GRAP2: variants seen among roughly 807,000 people sequenced by gnomAD.
GRAP2 encodes GRB2 related adaptor protein 2.
Under a neutral mutation model 43.5 loss-of-function variants are expected in GRAP2, and 31 were observed. The observed-to-expected ratio is 0.71, with a 90% CI of 0.54 to 0.96. GRAP2 has a LOEUF of 0.96. Among genes scored for constraint, GRAP2 ranks in the 40% least tolerant of loss-of-function variants. The pLI, the probability that GRAP2 is intolerant of heterozygous loss-of-function variation, is 0.00. For missense variants in GRAP2, 371 were observed against 424.4 expected, an observed-to-expected ratio of 0.87 and a Z score of 1.11; for synonymous variants, 156 against 164.8, an observed-to-expected ratio of 0.95 and a Z score of 0.41.
intron 1 of GRAP2, among the ~76,000 whole-genome samples, chr22:39,942,932 G>A (rs982924658): frequency 2.0e-5 from 3 of 152,160 alleles, no homozygotes; most frequent in African/African-American, 7.2e-5. Context: ...ATAAACTGGG[G>A]CAAGTATTCA....
upstream of GRAP2, among the ~76,000 whole-genome samples, chr22:39,900,583 AACAGAAATTGAAGTC>A (rs1202310641): frequency 6.6e-6 from 1 of 152,236 alleles, no homozygotes; most frequent in Non-Finnish European, 1.5e-5. Context: ...TCTAAGACTC[AACAGAAATTGAAGTC>A]CCAGAAATTG....
intron 1 of GRAP2, among the ~76,000 whole-genome samples, chr22:39,906,701 C>A (rs1361748854): frequency 2.6e-5 from 4 of 152,092 alleles, no homozygotes; most frequent in Non-Finnish European, 5.9e-5. Flanking sequence ...TTTCTCCACA[C>A]CCCCCAGCCT....
At chr22:39,896,455 G>T (rs1320005489), upstream of GRAP2, among the ~76,000 whole-genome samples, 3 of 152,184 alleles carry the variant, frequency 2.0e-5, no homozygotes, top group African/African-American at 4.8e-5. Context: ...GATCCGAGGG[G>T]TCAGTTTGGC....
intron 1 of GRAP2, among the ~76,000 whole-genome samples, chr22:39,910,124 A>C (rs1354466193): frequency 6.6e-6 from 1 of 152,050 alleles, no homozygotes; most frequent in Non-Finnish European, 1.5e-5. Flanking sequence ...TGCTGCCATT[A>C]TTTTAAGCAC....
chr22:39,926,982 G>A, intron 1 of GRAP2: 2 of 293,054 alleles, frequency 6.8e-6, no homozygotes, highest in Non-Finnish European at 1.0e-5. Context: ...GTGCTCAGCA[G>A]AGGCGGTCAC....
chr22:39,948,661 A>G (rs374221741), intron 2 of GRAP2, among the ~76,000 whole-genome samples: 1 of 151,204 alleles, frequency 6.6e-6, no homozygotes, highest in Non-Finnish European at 1.5e-5. Flanking sequence ...TCATTCCACA[A>G]CTCTCTGGAA....
intron 1 of GRAP2, among the ~76,000 whole-genome samples, chr22:39,924,303 G>C (rs908013048): frequency 6.6e-6 from 1 of 152,108 alleles, no homozygotes; most frequent in Non-Finnish European, 1.5e-5. Flanking sequence ...TCCAAGATTC[G>C]CTTTTTTTCC....
chr22:39,963,061 G>A (rs914616271), intron 4 of GRAP2, among the ~76,000 whole-genome samples: 16 of 152,280 alleles, frequency 1.1e-4, no homozygotes, highest in African/African-American at 2.6e-4. Context: ...ATATTCAGGC[G>A]ATGAAGCTTC....
At chr22:39,953,856 G>C (rs774131419) in intron 2 of GRAP2, among the ~76,000 whole-genome samples, 11 of 152,064 alleles carry the variant, frequency 7.2e-5, no homozygotes, top group African/African-American at 2.4e-4. Context: ...TCAAGCGATC[G>C]TCCACTTGGG....
intron 1 of GRAP2, among the ~76,000 whole-genome samples, chr22:39,910,741 T>TA (rs558928417): frequency 0.15 from 21,773 of 141,338 alleles, 1,619 homozygotes; most frequent in African/African-American, 0.17. Flanking sequence ...ACTGTTGATT[T>TA]AAAAAAAAAA....
At chr22:39,966,792 C>T (rs2067179202) in intron 5 of GRAP2, among the ~76,000 whole-genome samples, 1 of 152,186 alleles carries the variant, frequency 6.6e-6, no homozygotes, top group South Asian at 2.1e-4. Context: ...GCTTAGCTAC[C>T]TGTATTACCT....
chr22:39,902,017 G>A (rs975115098), intron 1 of GRAP2, among the ~76,000 whole-genome samples: 2 of 152,136 alleles, frequency 1.3e-5, no homozygotes, highest in Non-Finnish European at 2.9e-5. Context: ...AATTTAAAAT[G>A]TACTGTATTG....
At chr22:39,961,525 G>T (rs574766058) in intron 4 of GRAP2, among the ~76,000 whole-genome samples, 2 of 152,350 alleles carry the variant, frequency 1.3e-5, no homozygotes, top group African/African-American at 4.8e-5. Context: ...AGGGCCAGGA[G>T]TGGGGGAGGA....
At chr22:39,952,858 G>A (rs1768858402) in intron 2 of GRAP2, among the ~76,000 whole-genome samples, 1 of 152,092 alleles carries the variant, frequency 6.6e-6, no homozygotes, top group Non-Finnish European at 1.5e-5. Context: ...GGACTTTCAG[G>A]TACCAGGGCT....
At chr22:39,966,248 TAG>T (rs1229767481) in intron 5 of GRAP2, 90 bp downstream of exon 5, 62 of 967,608 alleles carry the variant, frequency 6.4e-5, no homozygotes, top group South Asian at 5.5e-4. Context: ...ATAGGATGGG[TAG>T]ATCCTCTGAG....
intron 1 of GRAP2, among the ~76,000 whole-genome samples, chr22:39,910,841 G>A (rs1334511994): frequency 6.6e-6 from 1 of 152,084 alleles, no homozygotes; most frequent in African/African-American, 2.4e-5. Context: ...ATCTTTCAGA[G>A]CTAGGGTATT....
chr22:39,905,844 G>A (rs938028227), intron 1 of GRAP2, among the ~76,000 whole-genome samples: 3 of 152,146 alleles, frequency 2.0e-5, no homozygotes, highest in African/African-American at 7.2e-5. Flanking sequence ...GCAGTGAGGA[G>A]TGATACAAGT....
intron 1 of GRAP2, among the ~76,000 whole-genome samples, chr22:39,915,681 TCACAGGGCTGTTA>T (rs1454982824): frequency 2.0e-5 from 3 of 152,216 alleles, no homozygotes; most frequent in Admixed American, 2.0e-4. Flanking sequence ...GCCTGGGGTG[TCACAGGGCTGTTA>T]CATGGGTCAA....
At chr22:39,970,872 T>C (rs200975316) in intron 7 of GRAP2, 33 bp from the exon 8 acceptor site, 2 of 1,551,160 alleles carry the variant, frequency 1.3e-6, no homozygotes, top group East Asian at 4.6e-5. Context: ...AGCCCACAGC[T>C]CAGCAGAGCC....
Sources: gnomAD v4.1 joint callset for allele counts (sites outside exome capture counted in the v4.1 genomes callset) on GRCh38, gnomAD v4.1.1 for gene constraint, MANE v1.5 for transcripts, NCBI Gene and HGNC (gene_info 2026-07-23, HGNC 2026-07-21) for gene names.